NRG3: variants seen among roughly 807,000 people sequenced by gnomAD.
NRG3 encodes the protein neuregulin 3, also known as pro-neuregulin-3, membrane-bound isoform.
NRG3 carries 31 observed loss-of-function variants against 66.9 expected under a neutral mutation model. That is an observed-to-expected ratio of 0.46 (90% CI 0.35 to 0.63). NRG3 has a LOEUF of 0.63. Among genes scored for constraint, NRG3 ranks in the 20% least tolerant of loss-of-function variants. The probability of loss-of-function intolerance (pLI) is 0.00; values close to 1 mark genes in which losing one functional copy is unlikely to be tolerated. For synonymous variants in NRG3, 393 were observed against 359.4 expected (o/e 1.09, Z -1.06); for missense variants, 910 against 878.9 (o/e 1.04, Z -0.45).
At chr10:82,527,647 G>A (rs568227405) in intron 2 of NRG3, among the ~76,000 whole-genome samples, 1 of 152,188 alleles carries the variant, frequency 6.6e-6, no homozygotes, top group Non-Finnish European at 1.5e-5. Context: ...TTACCTGACT[G>A]CCTTAAGAGC....
At chr10:82,209,794 A>G (rs967271366) in intron 1 of NRG3, among the ~76,000 whole-genome samples, 1 of 152,142 alleles carries the variant, frequency 6.6e-6, no homozygotes, top group Non-Finnish European at 1.5e-5. Flanking sequence ...TTTTAATTTT[A>G]TCTAAAAACC....
At chr10:82,109,113 C>G (rs1055899092) in intron 1 of NRG3, among the ~76,000 whole-genome samples, 4 of 152,066 alleles carry the variant, frequency 2.6e-5, no homozygotes, top group African/African-American at 9.7e-5. Flanking sequence ...ATAAAAGAAC[C>G]AATTATACTA....
chr10:82,564,359 C>A (rs574103438), intron 2 of NRG3, among the ~76,000 whole-genome samples: 1 of 152,234 alleles, frequency 6.6e-6, no homozygotes, highest in African/African-American at 2.4e-5. Flanking sequence ...CATTTTATCA[C>A]CTATTTGAAT....
At chr10:82,149,361 A>G (rs1251946427) in intron 1 of NRG3, among the ~76,000 whole-genome samples, 1 of 152,174 alleles carries the variant, frequency 6.6e-6, no homozygotes, top group Non-Finnish European at 1.5e-5. Flanking sequence ...TAAGAATTAA[A>G]AAGTTAATAT....
chr10:81,944,376 A>G (rs1054396384), intron 1 of NRG3, among the ~76,000 whole-genome samples: 14 of 152,228 alleles, frequency 9.2e-5, no homozygotes, highest in African/African-American at 3.1e-4. Flanking sequence ...TAAAAATTGC[A>G]TAATATGCAG....
intron 1 of NRG3, among the ~76,000 whole-genome samples, chr10:81,992,844 C>T (rs906406080): frequency 6.6e-6 from 1 of 151,984 alleles, no homozygotes; most frequent in Non-Finnish European, 1.5e-5. Flanking sequence ...TGCAAGATGC[C>T]CAAAGAATAA....
intron 1 of NRG3, among the ~76,000 whole-genome samples, chr10:82,315,359 G>A (rs767174131): frequency 2.0e-5 from 3 of 152,158 alleles, no homozygotes; most frequent in Non-Finnish European, 4.4e-5. Context: ...TTTCAGGAAC[G>A]ATTTCAGTTT....
intron 4 of NRG3, among the ~76,000 whole-genome samples, chr10:82,919,938 A>G (rs897134123): frequency 1.3e-5 from 2 of 152,110 alleles, no homozygotes; most frequent in East Asian, 1.9e-4. Flanking sequence ...AAAAGCACAG[A>G]TAGGAACTAG....
At chr10:82,221,269 G>GAA (rs35476455) in intron 1 of NRG3, among the ~76,000 whole-genome samples, 2 of 139,784 alleles carry the variant, frequency 1.4e-5, no homozygotes. Context: ...AGAGAAAGAG[G>GAA]AAAAAAAAAA....
chr10:82,329,867 G>T (rs565360149), intron 1 of NRG3, among the ~76,000 whole-genome samples: 1 of 152,310 alleles, frequency 6.6e-6, no homozygotes, highest in East Asian at 1.9e-4. Context: ...GGAAGCTGGA[G>T]CTCTGTGCTT....
At chr10:82,599,752 G>A (rs2047505114) in intron 2 of NRG3, among the ~76,000 whole-genome samples, 1 of 152,194 alleles carries the variant, frequency 6.6e-6, no homozygotes, top group African/African-American at 2.4e-5. Context: ...AGGAGGTGGA[G>A]GTTGCAGTGA....
chr10:82,832,551 T>A (rs1591659031), intron 3 of NRG3, among the ~76,000 whole-genome samples: 1 of 152,274 alleles, frequency 6.6e-6, no homozygotes, highest in East Asian at 1.9e-4. Flanking sequence ...GTAACCACCA[T>A]GCTGTGAAAT....
chr10:82,163,347 T>C (rs1220204318), intron 1 of NRG3, among the ~76,000 whole-genome samples: 1 of 152,184 alleles, frequency 6.6e-6, no homozygotes, highest in Middle Eastern at 3.2e-3. Context: ...TTTGTGCATA[T>C]ATGAACTTTT....
chr10:81,887,063 C>T (rs1842665872), intron 1 of NRG3, among the ~76,000 whole-genome samples: 1 of 152,002 alleles, frequency 6.6e-6, no homozygotes, highest in Admixed American at 6.6e-5. Context: ...GAATATACTC[C>T]ATGAATCAGT....
At chr10:82,540,453 T>C (rs567086364) in intron 2 of NRG3, among the ~76,000 whole-genome samples, 5 of 152,108 alleles carry the variant, frequency 3.3e-5, no homozygotes, top group African/African-American at 1.2e-4. Context: ...GTAGTGAGTG[T>C]GTATGTGTGC....
chr10:82,385,120 C>T (rs951488434), intron 2 of NRG3, among the ~76,000 whole-genome samples: 2 of 151,940 alleles, frequency 1.3e-5, no homozygotes, highest in African/African-American at 4.8e-5. Context: ...TCTTCTTTTG[C>T]GAAATGTCTG....
chr10:82,907,312 T>G (rs554138227), intron 4 of NRG3, among the ~76,000 whole-genome samples: 1 of 152,242 alleles, frequency 6.6e-6, no homozygotes. Context: ...GATCTTCTTA[T>G]GTAAAATTTA....
chr10:82,190,822 A>G (rs577995126), intron 1 of NRG3, among the ~76,000 whole-genome samples: 5 of 152,290 alleles, frequency 3.3e-5, no homozygotes, highest in Admixed American at 2.6e-4. Flanking sequence ...GTTTCCTCCC[A>G]ACTGTATTTC....
At chr10:82,111,848 A>G (rs1419579509) in intron 1 of NRG3, among the ~76,000 whole-genome samples, 2 of 152,178 alleles carry the variant, frequency 1.3e-5, no homozygotes, top group Non-Finnish European at 2.9e-5. Context: ...CCTTCTAGTG[A>G]TCAATGTATT....
Sources: allele counts gnomAD v4.1 joint callset (sites outside exome capture counted in the v4.1 genomes callset), GRCh38; gene constraint gnomAD v4.1.1; transcripts MANE v1.5; gene names NCBI Gene and HGNC (gene_info 2026-07-23, HGNC 2026-07-21).